Variants in NPM1 observed in about 807,000 individuals in gnomAD.
NPM1 encodes nucleophosmin.
NPM1 carries 1 observed loss-of-function variant against 44.1 expected under a neutral mutation model. The observed-to-expected ratio is 0.02, with a 90% CI of 0.01 to 0.11. The LOEUF (loss-of-function observed/expected upper bound fraction) is 0.11, where lower values mean the gene tolerates loss of function less well. Among genes scored for constraint, NPM1 ranks in the 10% least tolerant of loss-of-function variants. NPM1 has a pLI of 1.00. For missense variants in NPM1, 197 were observed against 347.8 expected (o/e 0.57, Z 3.45); for synonymous variants, 126 against 111.8 (o/e 1.13, Z -0.80).
intron 10 of NPM1, among the ~76,000 whole-genome samples, chr5:171,409,204 T>C (rs967234077): frequency 5.9e-5 from 9 of 152,212 alleles, no homozygotes; most frequent in African/African-American, 1.9e-4. Flanking sequence ...TAACTTGAAC[T>C]TGAATTGCTG....
At chr5:171,399,579 A>G (rs113736449) in intron 6 of NPM1, among the ~76,000 whole-genome samples, 88 of 152,282 alleles carry the variant, frequency 5.8e-4, no homozygotes, top group African/African-American at 2.1e-3. Flanking sequence ...CTACAGAGAA[A>G]CCAGCTTGGG....
chr5:171,396,565 G>C (rs1387894377), intron 6 of NPM1, among the ~76,000 whole-genome samples: 2 of 152,308 alleles, frequency 1.3e-5, no homozygotes, highest in East Asian at 3.9e-4. Context: ...TTTCTTACAT[G>C]AAGTTGCTGT....
intron 9 of NPM1, 167 bp downstream of exon 9, chr5:171,405,570 G>A (rs1032158174): frequency 6.5e-6 from 4 of 615,136 alleles, no homozygotes; most frequent in Admixed American, 3.2e-5. Flanking sequence ...ATTTATAATC[G>A]TGTCTGTGGT....
intron 6 of NPM1, among the ~76,000 whole-genome samples, chr5:171,395,349 G>C (rs913455053): frequency 6.6e-6 from 1 of 151,914 alleles, no homozygotes; most frequent in Non-Finnish European, 1.5e-5. Context: ...CCCCAGGCTG[G>C]TGTGCAATGG....
intron 2 of NPM1, 25 bp downstream of exon 2, chr5:171,390,155 A>G (rs1434222411): frequency 1.6e-6 from 2 of 1,274,804 alleles, no homozygotes; most frequent in African/African-American, 1.5e-5. Flanking sequence ...AAAATAAACT[A>G]CTTAACCCTA....
intron 9 of NPM1, chr5:171,407,391 A>G (rs62383973): frequency 2.4e-5 from 8 of 329,280 alleles, no homozygotes; most frequent in Non-Finnish European, 4.4e-5. Flanking sequence ...CTTGTTAGAT[A>G]ATTTAGATAA....
intron 8 of NPM1, among the ~76,000 whole-genome samples, chr5:171,404,127 TG>T (rs1395862091): frequency 1.7e-5 from 1 of 59,920 alleles, no homozygotes; most frequent in Non-Finnish European, 3.2e-5. Flanking sequence ...GCTGGCCAGG[TG>T]GGGGGCTGAC....
chr5:171,406,225 C>A (rs1331474201), intron 9 of NPM1, among the ~76,000 whole-genome samples: 1 of 152,084 alleles, frequency 6.6e-6, no homozygotes, highest in African/African-American at 2.4e-5. Context: ...GATAAGTCCA[C>A]TGGAAAAAGA....
chr5:171,407,850 T>TAA, intron 10 of NPM1, 76 bp downstream of exon 10: 7 of 872,488 alleles, frequency 8.0e-6, no homozygotes, highest in Non-Finnish European at 1.3e-5. Context: ...TTACCCTTTT[T>TAA]AAGTGTTGGC....
At chr5:171,399,030 T>C (rs1406473085) in intron 6 of NPM1, among the ~76,000 whole-genome samples, 1 of 152,158 alleles carries the variant, frequency 6.6e-6, no homozygotes, top group Non-Finnish European at 1.5e-5. Flanking sequence ...TTTGTATTTT[T>C]AGTAGAGACT....
intron 1 of NPM1, among the ~76,000 whole-genome samples, chr5:171,388,564 C>T (rs988374868): frequency 6.7e-6 from 1 of 149,526 alleles, no homozygotes; most frequent in African/African-American, 2.5e-5. Flanking sequence ...GAGGCCGCAA[C>T]CGCTGGGAGC....
rs768033269 is a variant in NPM1, at chr5:171,410,595, T to A, written c.*30T>A. Reference sequence around the variant, plus strand: ...ATAGTTTAAACAATTTGTTAAAAAATTTTCCGTCTTATTTCATTTCTGTAA... The same window carrying A: ...ATAGTTTAAACAATTTGTTAAAAAAATTTCCGTCTTATTTCATTTCTGTAA... On this transcript the variant is annotated 3_prime_UTR_variant, in exon 11 of 11. Coordinates refer to ENST00000296930, the MANE Select transcript of NPM1 (RefSeq NM_002520.7). 1.4e-6 allele frequency: 2 copies of A among 1,399,410 alleles called. No homozygotes were observed. Among genetic ancestry groups the A allele is most frequent in the Admixed American group, 3.8e-5 (2 of 52,548 alleles). The allele number at this position is 1,399,410 out of a possible 1,614,324, so 86.7% of individuals were successfully genotyped here.
chr5:171,390,501 A>G (rs1254953697), intron 2 of NPM1, among the ~76,000 whole-genome samples: 1 of 152,192 alleles, frequency 6.6e-6, no homozygotes, highest in African/African-American at 2.4e-5. Context: ...ATATTTATGC[A>G]TTTCTTAAAT....
At chr5:171,387,720 G>A, upstream of NPM1, 2 of 580,538 alleles carry the variant, frequency 3.4e-6, no homozygotes, top group South Asian at 2.1e-5. Context: ...GAGTGGGGTT[G>A]AAAAGCGCTT....
intron 8 of NPM1, among the ~76,000 whole-genome samples, chr5:171,401,754 A>G (rs976545830): frequency 3.3e-5 from 5 of 152,110 alleles, no homozygotes; most frequent in South Asian, 4.1e-4. Flanking sequence ...TGTGAAGTCA[A>G]TAGTTGTTTC....
Position 171,387,915 on chromosome 5 carries a change from C to T in NPM1, c.-34C>T. On this transcript the variant is annotated 5_prime_UTR_variant, in exon 1 of 11. Transcript: ENST00000296930. ...AGCAGCGTTCTTTTATCTCCGTCCG[C>T]CTTCTCTCCTACCTAAGTGCGTGCC... 1 of 1,602,192 alleles carries T rather than the reference C, an allele frequency of 6.2e-7. No individual in the cohort carries two copies.
chr5:171,400,915 C>G lies in NPM1; in HGVS notation c.659C>G (p.Pro220Arg). 1 of 1,608,846 alleles carries G rather than the reference C, an allele frequency of 6.2e-7. No individual in the cohort carries two copies. The highest frequency in any genetic ancestry group is 1.1e-5 in the South Asian group (1 of 90,868). Residue 220 changes from proline to arginine, a missense_variant, in exon 8 of 11, where the codon CCA becomes CGA. Coordinates refer to ENST00000296930, the MANE Select transcript of NPM1 (RefSeq NM_002520.7). Reference sequence around the variant, plus strand: ...AAAGACTCAAAACCATCATCAACACCAAGATCAAAAGTAAGTGGCTACATT... The same window carrying G: ...AAAGACTCAAAACCATCATCAACACGAAGATCAAAAGTAAGTGGCTACATT... ...NGKDSKPSST[P>R]RSKGQESFKK...
Position 171,400,149 on chromosome 5 carries a change from G to C in NPM1, c.525-4G>C. 6.7e-7 allele frequency: 1 copy of C among 1,500,458 alleles called. No individual in the cohort carries two copies. Among genetic ancestry groups the C allele is most frequent in the Non-Finnish European group, 9.3e-7 (1 of 1,077,086 alleles). 92.9% of individuals were successfully genotyped at this position (1,500,458 alleles called of 1,614,324 possible). ...TGCTTAATGTCTTGACATTTCATTT[G>C]TAGTGATGATGATGATGATTTTGAT... On this transcript the variant is annotated splice_polypyrimidine_tract_variant and splice_region_variant and intron_variant, in intron 6 of 10. Transcript: ENST00000296930.
chr5:171,393,610 C>T (rs1434425542), intron 6 of NPM1, among the ~76,000 whole-genome samples: 2 of 140,690 alleles, frequency 1.4e-5, no homozygotes, highest in Non-Finnish European at 3.3e-5. Context: ...GTGCCAGTAC[C>T]AGTAATGCAT....
Sources: allele counts gnomAD v4.1 joint callset (sites outside exome capture counted in the v4.1 genomes callset), GRCh38; gene constraint gnomAD v4.1.1; transcripts MANE v1.5; gene names NCBI Gene and HGNC (gene_info 2026-07-23, HGNC 2026-07-21).